SCHIP1: variants seen among roughly 807,000 people sequenced by gnomAD.
SCHIP1 encodes schwannomin-interacting protein 1.
Under a neutral mutation model 29.7 loss-of-function variants are expected in SCHIP1, and 8 were observed. The observed-to-expected ratio is 0.27, with a 90% confidence interval of 0.16 to 0.49. The LOEUF is 0.49. SCHIP1 is among the 20% of genes least tolerant of loss of function. The pLI is 0.99. For missense variants in SCHIP1, 193 were observed against 294.6 expected (o/e 0.66, Z 2.52); for synonymous variants, 76 against 94.9 (o/e 0.80, Z 1.16).
the SCHIP1 span, among the ~76,000 whole-genome samples, chr3:159,385,297 C>T: frequency 2.6e-5 from 4 of 152,202 alleles, no homozygotes; most frequent in Admixed American, 2.6e-4. Context: ...ATGGCTTATG[C>T]CTGTAATCCC....
the SCHIP1 span, among the ~76,000 whole-genome samples, chr3:159,626,175 TCTATCTAGATAGATAGATAGATAGATAG>T: frequency 1.7e-4 from 18 of 107,656 alleles, no homozygotes; most frequent in African/African-American, 1.1e-3. Flanking sequence ...GATATATCTA[TCTATCTAGATAGATAGATAGATAGATAG>T]ATAGATATAT....
At chr3:159,298,614 C>T in the SCHIP1 span, among the ~76,000 whole-genome samples, 1 of 152,108 alleles carries the variant, frequency 6.6e-6, no homozygotes, top group Non-Finnish European at 1.5e-5. Flanking sequence ...TCTTGTATTG[C>T]CTGCAGAGCT....
the SCHIP1 span, among the ~76,000 whole-genome samples, chr3:159,751,356 A>G: frequency 6.6e-6 from 1 of 152,198 alleles, no homozygotes; most frequent in Non-Finnish European, 1.5e-5. Context: ...CTTACAGAAA[A>G]AGTTTGCCAA....
chr3:159,807,405 C>G, the SCHIP1 span, among the ~76,000 whole-genome samples: 1 of 152,244 alleles, frequency 6.6e-6, no homozygotes, highest in Non-Finnish European at 1.5e-5. Flanking sequence ...TTCACAAGCA[C>G]TTGACAAGGC....
At chr3:159,348,474 TTATC>T in the SCHIP1 span, among the ~76,000 whole-genome samples, 2 of 152,174 alleles carry the variant, frequency 1.3e-5, no homozygotes, top group Non-Finnish European at 2.9e-5. Flanking sequence ...TGGCTGTAAT[TTATC>T]TATCTAACTC....
chr3:159,499,879 G>A, the SCHIP1 span, among the ~76,000 whole-genome samples: 2 of 152,158 alleles, frequency 1.3e-5, no homozygotes, highest in African/African-American at 2.4e-5. Flanking sequence ...GGTTTATTCC[G>A]TAGTCCGGTT....
At chr3:159,593,108 T>C in the SCHIP1 span, among the ~76,000 whole-genome samples, 39 of 152,244 alleles carry the variant, frequency 2.6e-4, 2 homozygotes, top group African/African-American at 9.1e-4. Flanking sequence ...CCTTACACAA[T>C]TGTTGTGATA....
chr3:159,570,291 T>C, the SCHIP1 span, among the ~76,000 whole-genome samples: 2 of 152,342 alleles, frequency 1.3e-5, no homozygotes, highest in Non-Finnish European at 2.9e-5. Context: ...AACATTTAAG[T>C]CTTTAATCCA....
the SCHIP1 span, among the ~76,000 whole-genome samples, chr3:159,469,275 G>A: frequency 6.6e-6 from 1 of 152,114 alleles, no homozygotes; most frequent in African/African-American, 2.4e-5. Context: ...AATCCCATGT[G>A]TTTTTAAGTA....
chr3:159,630,197 C>G, the SCHIP1 span, among the ~76,000 whole-genome samples: 2 of 152,142 alleles, frequency 1.3e-5, no homozygotes, highest in Non-Finnish European at 2.9e-5. Flanking sequence ...TGATCACTGA[C>G]CTTCAGGGGC....
chr3:159,491,459 C>T, the SCHIP1 span, among the ~76,000 whole-genome samples: 1 of 152,234 alleles, frequency 6.6e-6, no homozygotes, highest in Non-Finnish European at 1.5e-5. Flanking sequence ...GAGATTATAT[C>T]CAGCACCTGG....
the SCHIP1 span, among the ~76,000 whole-genome samples, chr3:159,695,620 AT>A: frequency 2.6e-5 from 4 of 152,208 alleles, no homozygotes; most frequent in African/African-American, 9.6e-5. Context: ...ACAGGGTACA[AT>A]AAATCCATTT....
chr3:159,697,767 T>C, the SCHIP1 span, among the ~76,000 whole-genome samples: 2 of 151,952 alleles, frequency 1.3e-5, no homozygotes, highest in Admixed American at 6.6e-5. Flanking sequence ...AAAAAAAAAG[T>C]TGGGCCGAAT....
chr3:159,805,264 A>G, the SCHIP1 span, among the ~76,000 whole-genome samples: 40 of 152,096 alleles, frequency 2.6e-4, 1 homozygote, highest in Admixed American at 1.8e-3. Flanking sequence ...ATCAGCTCCA[A>G]CCCACTCCTA....
the SCHIP1 span, among the ~76,000 whole-genome samples, chr3:159,675,227 A>G: frequency 6.6e-6 from 1 of 152,248 alleles, no homozygotes; most frequent in Non-Finnish European, 1.5e-5. Flanking sequence ...GTTTATAGGC[A>G]CAACTTCTCC....
chr3:159,886,368 C>T (rs756515978), intron 3 of SCHIP1, 44 bp downstream of exon 4: 18 of 1,566,792 alleles, frequency 1.1e-5, no homozygotes, highest in South Asian at 3.4e-5. Context: ...TTGTGATTTC[C>T]GGGCCATTTA....
At chr3:159,690,254 T>C in the SCHIP1 span, among the ~76,000 whole-genome samples, 10 of 152,220 alleles carry the variant, frequency 6.6e-5, no homozygotes, top group African/African-American at 2.2e-4. Flanking sequence ...ACGCTATTAA[T>C]TACTGCCTCA....
chr3:159,564,526 G>A, the SCHIP1 span, among the ~76,000 whole-genome samples: 4 of 151,958 alleles, frequency 2.6e-5, no homozygotes, highest in Non-Finnish European at 4.4e-5. Context: ...ACAGACATGC[G>A]CCACCATGCC....
At chr3:159,506,738 T>C in the SCHIP1 span, among the ~76,000 whole-genome samples, 1 of 152,156 alleles carries the variant, frequency 6.6e-6, no homozygotes, top group Non-Finnish European at 1.5e-5. Flanking sequence ...TCTCCCCATT[T>C]CTTGTTTTTC....
Sources: allele counts gnomAD v4.1 joint callset (sites outside exome capture counted in the v4.1 genomes callset), GRCh38; gene constraint gnomAD v4.1.1; transcripts MANE v1.5; gene names NCBI Gene and HGNC (gene_info 2026-07-23, HGNC 2026-07-21).